The following DPYD variants were observed in gnomAD, a reference collection of about 807,000 sequenced individuals.
DPYD encodes dihydropyrimidine dehydrogenase [NADP(+)].
DPYD carries 109 observed loss-of-function variants against 116.2 expected under a neutral mutation model. The ratio of observed to expected loss-of-function variants is 0.94; its 90% CI spans 0.80 to 1.10. The LOEUF (loss-of-function observed/expected upper bound fraction) is 1.10, where lower values mean the gene tolerates loss of function less well. Among genes scored for constraint, DPYD ranks in the 50% least tolerant of loss-of-function variants. The pLI, the probability that DPYD is intolerant of heterozygous loss-of-function variation, is 0.00. For synonymous variants in DPYD, 440 were observed against 432.0 expected, an observed-to-expected ratio of 1.02 and a Z score of -0.23; for missense variants, 1,302 against 1,254.5, an observed-to-expected ratio of 1.04 and a Z score of -0.57.
intron 13 of DPYD, among the ~76,000 whole-genome samples, chr1:97,489,676 T>G (rs181960709): frequency 1.4e-3 from 217 of 152,308 alleles, no homozygotes; most frequent in Non-Finnish European, 2.2e-3. Context: ...CCCTGAGTAC[T>G]TGCTAAAGTT....
intron 14 of DPYD, among the ~76,000 whole-genome samples, chr1:97,399,862 A>G (rs1478201917): frequency 5.3e-5 from 8 of 151,990 alleles, no homozygotes; most frequent in Admixed American, 3.9e-4. Flanking sequence ...AGATGATGGC[A>G]TTTTCTAGAT....
At chr1:97,656,143 G>T (rs1204267969) in intron 8 of DPYD, among the ~76,000 whole-genome samples, 1 of 152,060 alleles carries the variant, frequency 6.6e-6, no homozygotes, top group Non-Finnish European at 1.5e-5. Flanking sequence ...CACATCTTAT[G>T]CAACAAATAA....
intron 14 of DPYD, among the ~76,000 whole-genome samples, chr1:97,427,928 ATTTTCCAAGCATGAGATCCCAC>A (rs1390801781): frequency 6.6e-6 from 1 of 152,074 alleles, no homozygotes; most frequent in Non-Finnish European, 1.5e-5. Context: ...GATCTCATAT[ATTTTCCAAGCATGAGATCCCAC>A]TGGTTTCTCT....
At chr1:97,778,068 G>C (rs1183858967) in intron 3 of DPYD, among the ~76,000 whole-genome samples, 1 of 150,576 alleles carries the variant, frequency 6.6e-6, no homozygotes, top group Non-Finnish European at 1.5e-5. Flanking sequence ...TGAGGCACCA[G>C]GACAGCTTGA....
At chr1:97,899,043 C>T (rs941043083) in intron 1 of DPYD, among the ~76,000 whole-genome samples, 3 of 151,612 alleles carry the variant, frequency 2.0e-5, no homozygotes, top group Admixed American at 2.0e-4. Context: ...AAGTGGCCCT[C>T]AGCTCACTCC....
chr1:97,746,801 A>C (rs1035731024), intron 3 of DPYD, among the ~76,000 whole-genome samples: 51 of 152,214 alleles, frequency 3.4e-4, no homozygotes, highest in African/African-American at 1.2e-3. Flanking sequence ...TTCTGAATCT[A>C]CTGGGGCTCT....
chr1:97,855,371 G>A (rs1483333313), intron 2 of DPYD: 1 of 152,054 alleles, frequency 6.6e-6, no homozygotes, highest in Non-Finnish European at 1.5e-5. Flanking sequence ...TGCAAGTAGG[G>A]ACAAAGAACA....
At chr1:97,377,844 C>T (rs1671726809) in intron 15 of DPYD, among the ~76,000 whole-genome samples, 1 of 152,158 alleles carries the variant, frequency 6.6e-6, no homozygotes, top group Non-Finnish European at 1.5e-5. Flanking sequence ...GGAGCAGAGC[C>T]AGAAGGATGT....
At chr1:97,647,760 G>A (rs1658354932) in intron 8 of DPYD, among the ~76,000 whole-genome samples, 1 of 151,814 alleles carries the variant, frequency 6.6e-6, no homozygotes, top group South Asian at 2.1e-4. Flanking sequence ...CTTCATATTT[G>A]AAGTTTTTCC....
chr1:97,909,370 C>G (rs1673808918), intron 1 of DPYD, among the ~76,000 whole-genome samples: 1 of 152,068 alleles, frequency 6.6e-6, no homozygotes, highest in Non-Finnish European at 1.5e-5. Context: ...TCTTTCAACT[C>G]TAGTTTCCCC....
At chr1:97,858,700 AT>A (rs1310946641) in intron 2 of DPYD, among the ~76,000 whole-genome samples, 1 of 152,156 alleles carries the variant, frequency 6.6e-6, no homozygotes, top group African/African-American at 2.4e-5. Flanking sequence ...TTTAAAAAAA[AT>A]GAAACTACGT....
chr1:97,654,386 C>T (rs887668308), intron 8 of DPYD, among the ~76,000 whole-genome samples: 6 of 151,956 alleles, frequency 3.9e-5, no homozygotes, highest in Non-Finnish European at 2.9e-5. Context: ...ATGACATCAG[C>T]CAATATATAA....
At chr1:97,088,110 T>C (rs1462360410) in intron 21 of DPYD, among the ~76,000 whole-genome samples, 1 of 152,148 alleles carries the variant, frequency 6.6e-6, no homozygotes, top group Non-Finnish European at 1.5e-5. Context: ...TTAGGAAACT[T>C]AGTGATTATA....
At position 97,548,438 on chromosome 1, in the gene DPYD, C is replaced by A. The variant is rs542090117; in HGVS notation, c.1524+1122G>T. ...AAATTGTTAAAAACTAAATTGTTTT[C>A]AAAAATTACAACTGAAGGCTGGGCA... On this transcript the variant is annotated intron_variant, in intron 12 of 22. Transcript: ENST00000370192. Among the ~76,000 whole-genome samples the A allele has an allele frequency of 1.2e-3, 178 of 152,098 alleles. 1 individual carries two copies. The highest frequency in any genetic ancestry group is 4.0e-3 in the African/African-American group (166 of 41,516).
intron 16 of DPYD, among the ~76,000 whole-genome samples, chr1:97,315,173 A>G (rs1448645160): frequency 2.0e-5 from 3 of 151,936 alleles, no homozygotes; most frequent in African/African-American, 4.8e-5. Flanking sequence ...GACATGAACC[A>G]CTCGGATCTA....
chr1:97,423,372 C>T (rs1312794071), intron 14 of DPYD, among the ~76,000 whole-genome samples: 2 of 151,942 alleles, frequency 1.3e-5, no homozygotes, highest in South Asian at 2.1e-4. Flanking sequence ...GTGATTATGG[C>T]TAAGTGGGGT....
At chr1:97,780,750 A>G (rs1279571595) in intron 3 of DPYD, among the ~76,000 whole-genome samples, 2 of 152,206 alleles carry the variant, frequency 1.3e-5, no homozygotes, top group African/African-American at 4.8e-5. Flanking sequence ...CAAATTGCAA[A>G]TGAAGAATTA....
chr1:97,494,337 C>T (rs1434461474), intron 13 of DPYD, among the ~76,000 whole-genome samples: 1 of 152,146 alleles, frequency 6.6e-6, no homozygotes, highest in Non-Finnish European at 1.5e-5. Context: ...GCTGGGACTA[C>T]AGGCATGTGC....
chr1:97,285,793 C>T (rs917509311), intron 18 of DPYD, among the ~76,000 whole-genome samples: 5 of 151,452 alleles, frequency 3.3e-5, no homozygotes, highest in Admixed American at 3.3e-4. Context: ...AGGCAATTCT[C>T]CCATCTCATT....
Sources: allele counts gnomAD v4.1 joint callset (sites outside exome capture counted in the v4.1 genomes callset), GRCh38; gene constraint gnomAD v4.1.1; transcripts MANE v1.5; gene names NCBI Gene and HGNC (gene_info 2026-07-23, HGNC 2026-07-21).